Variants in ARHGAP42 observed in about 807,000 individuals in gnomAD.
ARHGAP42 encodes the protein Rho GTPase activating protein 42.
Under a neutral mutation model 125.0 loss-of-function variants are expected in ARHGAP42, and 63 were observed. The ratio of observed to expected loss-of-function variants is 0.50; its 90% CI spans 0.41 to 0.62. The LOEUF is 0.62. Among genes scored for constraint, ARHGAP42 ranks in the 20% least tolerant of loss-of-function variants. The pLI is 0.00. For missense variants in ARHGAP42, 766 were observed against 1,024.2 expected (o/e 0.75, Z 3.44); for synonymous variants, 339 against 351.0 (o/e 0.97, Z 0.38).
chr11:100,921,080 T>A (rs2135242666), intron 5 of ARHGAP42, among the ~76,000 whole-genome samples: 1 of 151,320 alleles, frequency 6.6e-6, no homozygotes, highest in South Asian at 2.1e-4. Flanking sequence ...TTTTTGGCAA[T>A]GCAGTCAGTT....
rs1436728744 is a variant in ARHGAP42 at position 100,923,586 on chromosome 11, GA to G, written c.597+1984del. On this transcript the variant is annotated intron_variant, in intron 6 of 23. Coordinates refer to ENST00000298815, the MANE Select transcript of ARHGAP42 (RefSeq NM_152432.4). ...AATGTTCGTTCACAGGTGGCAGAAG[GA>G]ATGACAAGAATTTATGAATTCCTGT... Among the ~76,000 whole-genome samples, 7 of 152,220 alleles carry G rather than the reference GA, an allele frequency of 4.6e-5. No homozygotes were observed. In the East Asian group the frequency reaches 1.2e-3, roughly 25 times the overall value.
rs2135190083 is a variant in ARHGAP42, at chr11:100,890,069, A to G, written c.385-23383A>G. ...TACACAAAAATAAGGCACAAAATCT[A>G]AGGGAAGATCACTAGCTGAGGCTTA... On this transcript the variant is annotated intron_variant, in intron 4 of 23. Transcript: ENST00000298815. 2.0e-5 allele frequency among the ~76,000 whole-genome samples: 3 copies of G among 152,310 alleles called. No individual in the cohort carries two copies. The Middle Eastern group carries it at 0.01, about 518-fold the overall frequency.
intron 1 of ARHGAP42, among the ~76,000 whole-genome samples, chr11:100,713,450 C>G (rs1861598021): frequency 6.6e-6 from 1 of 152,162 alleles, no homozygotes; most frequent in African/African-American, 2.4e-5. Flanking sequence ...CAACCTTGGG[C>G]AAGTTCTTAG....
intron 1 of ARHGAP42, among the ~76,000 whole-genome samples, chr11:100,758,863 A>G (rs560756479): frequency 1.1e-4 from 16 of 152,342 alleles, no homozygotes; most frequent in African/African-American, 3.8e-4. Context: ...TTTAACTAGT[A>G]GTGAGTCTGA....
intron 3 of ARHGAP42, among the ~76,000 whole-genome samples, chr11:100,820,551 G>GT (rs1396182641): frequency 1.3e-5 from 2 of 152,096 alleles, no homozygotes; most frequent in African/African-American, 4.8e-5. Flanking sequence ...GGAGAACATG[G>GT]TTAAGTGAGG....
Position 100,967,777 on chromosome 11 carries a change from G to A in ARHGAP42, c.1550+2001G>A, listed in dbSNP as rs552452178. Among the ~76,000 whole-genome samples, 21 of 152,142 alleles carry A rather than the reference G, an allele frequency of 1.4e-4. No homozygotes were observed. In the East Asian group the frequency reaches 3.1e-3, roughly 22 times the overall value. ...TCGCCAGGCTGGAGTGCAGTGGCGC[G>A]ATCTGGGCCTACTGCAACCTCCATC... On this transcript the variant is annotated intron_variant, in intron 17 of 23. Transcript: ENST00000298815.
rs1244761629 is a variant in ARHGAP42 at position 100,941,772 on chromosome 11, T to G, written c.833-12T>G. The G allele has an allele frequency of 8.2e-6, 12 of 1,471,598 alleles. No individual in the cohort carries two copies. The highest frequency in any genetic ancestry group is 1.5e-5 in the African/African-American group (1 of 68,786). 91.2% of individuals were successfully genotyped at this position (1,471,598 alleles called of 1,614,324 possible). On this transcript the variant is annotated splice_polypyrimidine_tract_variant and intron_variant, in intron 8 of 23. Transcript: ENST00000298815. ...TAACAAAATCTGAAATTTTTTTGTT[T>G]CCTTACATTAGGACCGCTTGGTTTT...
intron 1 of ARHGAP42, among the ~76,000 whole-genome samples, chr11:100,688,777 A>G (rs1861137200): frequency 6.6e-6 from 1 of 152,218 alleles, no homozygotes; most frequent in African/African-American, 2.4e-5. Flanking sequence ...GGAGCCTGTG[A>G]AAAGTATTTG....
intron 4 of ARHGAP42, among the ~76,000 whole-genome samples, chr11:100,876,776 AC>A (rs1865832578): frequency 6.6e-6 from 1 of 152,194 alleles, no homozygotes; most frequent in African/African-American, 2.4e-5. Flanking sequence ...TAAACAGCTC[AC>A]TGACTTTATT....
chr11:100,744,203 T>C (rs1467964159), intron 1 of ARHGAP42, among the ~76,000 whole-genome samples: 2 of 152,152 alleles, frequency 1.3e-5, no homozygotes, highest in Non-Finnish European at 2.9e-5. Flanking sequence ...ACTCCTGACC[T>C]CGTGATCCAC....
chr11:100,813,915 C>T (rs1565225419), intron 3 of ARHGAP42, among the ~76,000 whole-genome samples: 3 of 152,118 alleles, frequency 2.0e-5, no homozygotes, highest in Non-Finnish European at 4.4e-5. Flanking sequence ...GCAGAACAGG[C>T]CGGGTGCAGT....
chr11:100,914,465 AT>A (rs1867010538), intron 5 of ARHGAP42, among the ~76,000 whole-genome samples: 1 of 150,710 alleles, frequency 6.6e-6, no homozygotes, highest in Non-Finnish European at 1.5e-5. Flanking sequence ...TCCAAAAAAA[AT>A]AAATAAATAA....
chr11:100,692,976 C>T (rs1861216113), intron 1 of ARHGAP42, among the ~76,000 whole-genome samples: 1 of 152,100 alleles, frequency 6.6e-6, no homozygotes, highest in African/African-American at 2.4e-5. Flanking sequence ...TGTGTGTGTT[C>T]AGGGCCCACT....
At chr11:100,845,092 TAC>T (rs1555010397) in intron 3 of ARHGAP42, among the ~76,000 whole-genome samples, 3 of 151,340 alleles carry the variant, frequency 2.0e-5, no homozygotes, top group South Asian at 2.1e-4. Flanking sequence ...TATATATATA[TAC>T]ACACACACAC....
At chr11:100,810,910 GA>G (rs1362705471) in intron 3 of ARHGAP42, among the ~76,000 whole-genome samples, 1 of 151,996 alleles carries the variant, frequency 6.6e-6, no homozygotes, top group Non-Finnish European at 1.5e-5. Flanking sequence ...AGTGTAAAAT[GA>G]AAACCACCAG....
intron 1 of ARHGAP42, among the ~76,000 whole-genome samples, chr11:100,764,168 C>T (rs1023150399): frequency 6.6e-6 from 1 of 151,946 alleles, no homozygotes; most frequent in Non-Finnish European, 1.5e-5. Flanking sequence ...ACCACTGGCA[C>T]AAGCCACTGC....
At chr11:100,839,669 T>C (rs919763790) in intron 3 of ARHGAP42, 1 of 152,238 alleles carries the variant, frequency 6.6e-6, no homozygotes, top group Non-Finnish European at 1.5e-5. Context: ...TGTCACCCCA[T>C]TGATTACCAG....
intron 4 of ARHGAP42, among the ~76,000 whole-genome samples, chr11:100,867,998 T>C (rs150176073): frequency 0.014 from 2,073 of 152,322 alleles, 48 homozygotes; most frequent in African/African-American, 0.047. Flanking sequence ...TTAAATTCAC[T>C]GTTTTATATA....
chr11:100,741,760 G>C (rs1296966359), intron 1 of ARHGAP42, among the ~76,000 whole-genome samples: 2 of 152,088 alleles, frequency 1.3e-5, no homozygotes, highest in Non-Finnish European at 2.9e-5. Flanking sequence ...AATGAATTTT[G>C]GTGAAATCAA....
Sources: allele counts gnomAD v4.1 joint callset (sites outside exome capture counted in the v4.1 genomes callset), GRCh38; gene constraint gnomAD v4.1.1; transcripts MANE v1.5; gene names NCBI Gene and HGNC (gene_info 2026-07-23, HGNC 2026-07-21).